SAMMSON: variants seen among roughly 807,000 people sequenced by gnomAD.
SAMMSON encodes the protein long intergenic non-protein coding RNA 1212.
intron 8 of SAMMSON, among the ~76,000 whole-genome samples, chr3:70,354,593 A>T (rs1702815824): frequency 6.6e-6 from 1 of 152,156 alleles, no homozygotes; most frequent in Non-Finnish European, 1.5e-5. Flanking sequence ...GGCTGCAGGG[A>T]GTGTAACTGT....
intron 3 of SAMMSON, among the ~76,000 whole-genome samples, chr3:70,050,075 C>A (rs2067140669): frequency 6.6e-6 from 1 of 152,090 alleles, no homozygotes; most frequent in African/African-American, 2.4e-5. Flanking sequence ...GTATTACAAG[C>A]TAAAGGCCCC....
intron 4 of SAMMSON, among the ~76,000 whole-genome samples, chr3:70,106,632 G>C (rs770978652): frequency 6.6e-6 from 1 of 151,740 alleles, no homozygotes; most frequent in African/African-American, 2.4e-5. Flanking sequence ...GGGCCACAGC[G>C]CCTAGCCAGA....
In SAMMSON at chr3:70,425,498, G is replaced by A. The variant is rs912804537; in HGVS notation, n.234-37062G>A. On this transcript the variant is annotated intron_variant and non_coding_transcript_variant, in intron 2 of 3. Transcript: ENST00000641053. ...GTGATCTTGGCTCACTGCAAGATCCGCCTCCCAGGTTCACACCATTCTCCT... is the reference window on the plus strand; with the variant it reads ...GTGATCTTGGCTCACTGCAAGATCCACCTCCCAGGTTCACACCATTCTCCT... 9.9e-5 allele frequency among the ~76,000 whole-genome samples: 15 copies of A among 151,904 alleles called. No homozygotes were observed. In the South Asian group the frequency reaches 1.0e-3, roughly 11 times the overall value.
chr3:70,150,018 T>C (rs1456104401), intron 4 of SAMMSON, among the ~76,000 whole-genome samples: 1 of 152,096 alleles, frequency 6.6e-6, no homozygotes, highest in Admixed American at 6.6e-5. Context: ...CACTCCTTTT[T>C]TTCTTTTTTA....
intron 2 of SAMMSON, among the ~76,000 whole-genome samples, chr3:70,429,079 GT>G (rs762236232): frequency 7.3e-5 from 11 of 151,132 alleles, no homozygotes; most frequent in Admixed American, 2.0e-4. Flanking sequence ...TTCTTCTAAG[GT>G]TTTTTTTTAT....
chr3:70,366,980 T>C (rs1349730077), intron 9 of SAMMSON, among the ~76,000 whole-genome samples: 1 of 151,738 alleles, frequency 6.6e-6, no homozygotes, highest in Admixed American at 6.6e-5. Context: ...TTTTCTTTAC[T>C]GAGGTTTCCG....
intron 4 of SAMMSON, among the ~76,000 whole-genome samples, chr3:70,094,419 G>A (rs1018184588): frequency 1.3e-5 from 2 of 152,114 alleles, no homozygotes; most frequent in Admixed American, 1.3e-4. Flanking sequence ...CTTTGATGAC[G>A]TTCCACTCCA....
intron 4 of SAMMSON, among the ~76,000 whole-genome samples, chr3:70,218,705 G>C (rs1701436226): frequency 6.6e-6 from 1 of 152,034 alleles, no homozygotes; most frequent in Admixed American, 6.6e-5. Context: ...GCATATTTAT[G>C]TCACTTAAAG....
chr3:70,231,446 C>T (rs1239861740), intron 4 of SAMMSON, among the ~76,000 whole-genome samples: 1 of 152,204 alleles, frequency 6.6e-6, no homozygotes, highest in African/African-American at 2.4e-5. Flanking sequence ...TGAGTGAAAG[C>T]TCTAAAAGAG....
intron 9 of SAMMSON, among the ~76,000 whole-genome samples, chr3:70,381,253 G>A (rs953433136): frequency 6.6e-6 from 1 of 152,084 alleles, no homozygotes; most frequent in Non-Finnish European, 1.5e-5. Flanking sequence ...TGTATTTCAG[G>A]GTAACCAAAT....
At chr3:70,097,577 T>C (rs986322552) in intron 4 of SAMMSON, among the ~76,000 whole-genome samples, 1 of 152,230 alleles carries the variant, frequency 6.6e-6, no homozygotes, top group Non-Finnish European at 1.5e-5. Flanking sequence ...TTGGCAGATG[T>C]TGGGTGCCAA....
At chr3:70,085,542 T>G (rs2106643655) in intron 4 of SAMMSON, among the ~76,000 whole-genome samples, 1 of 152,308 alleles carries the variant, frequency 6.6e-6, no homozygotes, top group African/African-American at 2.4e-5. Context: ...GAGTAAGTCT[T>G]CCATTACCAA....
chr3:70,342,606 T>C (rs753601970), intron 7 of SAMMSON, among the ~76,000 whole-genome samples: 4 of 152,208 alleles, frequency 2.6e-5, no homozygotes, highest in African/African-American at 9.6e-5. Context: ...CATTTTCCAA[T>C]GGAATCCCAA....
chr3:70,366,375 A>C (rs1702919776), intron 9 of SAMMSON, among the ~76,000 whole-genome samples: 1 of 151,398 alleles, frequency 6.6e-6, no homozygotes, highest in Non-Finnish European at 1.5e-5. Context: ...CCAAAGTGTG[A>C]TGTAATTGGA....
At chr3:70,412,978 T>A (rs1326381187) in intron 2 of SAMMSON, among the ~76,000 whole-genome samples, 1 of 152,110 alleles carries the variant, frequency 6.6e-6, no homozygotes, top group African/African-American at 2.4e-5. Context: ...AACAGTTATT[T>A]TGTTGTTGTT....
exon 3 of SAMMSON, chr3:70,013,663 T>G (rs550289570): frequency 2.6e-5 from 4 of 152,248 alleles, no homozygotes; most frequent in Admixed American, 2.6e-4. Flanking sequence ...AAAGTCAACT[T>G]TACTCAAAGG....
intron 9 of SAMMSON, among the ~76,000 whole-genome samples, chr3:70,359,785 G>C (rs761205817): frequency 2.0e-5 from 3 of 152,012 alleles, no homozygotes; most frequent in Non-Finnish European, 2.9e-5. Context: ...TATTTAGAGA[G>C]AATTATTTTA....
intron 4 of SAMMSON, among the ~76,000 whole-genome samples, chr3:70,097,303 A>G (rs1491693): frequency 0.99 from 150,476 of 152,346 alleles, 74,341 homozygotes; most frequent in East Asian, 1. Flanking sequence ...CTGTTTCTTC[A>G]CCATGAGGCC....
intron 6 of SAMMSON, among the ~76,000 whole-genome samples, chr3:70,252,685 A>ATATT (rs1196806246): frequency 1.3e-5 from 2 of 152,094 alleles, no homozygotes; most frequent in Non-Finnish European, 2.9e-5. Context: ...GTATTGCCCT[A>ATATT]TGTTTATTTA....
Sources: gnomAD v4.1 joint callset for allele counts (sites outside exome capture counted in the v4.1 genomes callset) on GRCh38, gnomAD v4.1.1 for gene constraint, MANE v1.5 for transcripts, NCBI Gene and HGNC (gene_info 2026-07-23, HGNC 2026-07-21) for gene names.